The following BEND6 variants were observed in gnomAD, a reference collection of about 807,000 sequenced individuals.
The protein encoded by BEND6 is BEN domain-containing protein 6.
Under a neutral mutation model 31.8 loss-of-function variants are expected in BEND6, and 24 were observed. The ratio of observed to expected loss-of-function variants is 0.75; its 90% CI spans 0.55 to 1.06. The LOEUF (loss-of-function observed/expected upper bound fraction) is 1.06, where lower values mean the gene tolerates loss of function less well. Ranked by LOEUF, BEND6 falls within the 50% of genes least tolerant of loss-of-function variation. The pLI is 0.00. For missense variants in BEND6, 294 were observed against 327.4 expected (o/e 0.90, Z 0.79); for synonymous variants, 109 against 114.6 (o/e 0.95, Z 0.31).
chr6:56,958,261 C>T (rs999310603), intron 1 of BEND6, among the ~76,000 whole-genome samples: 1 of 152,178 alleles, frequency 6.6e-6, no homozygotes, highest in Non-Finnish European at 1.5e-5. Context: ...TCTTTTCATT[C>T]CCAAAAGATA....
At chr6:56,985,232 G>C (rs1182882319) in intron 2 of BEND6, among the ~76,000 whole-genome samples, 1 of 152,112 alleles carries the variant, frequency 6.6e-6, no homozygotes, top group Admixed American at 6.5e-5. Context: ...TTAGGTATTC[G>C]TACTTCTGGG....
intron 3 of BEND6, 61 bp from the exon 4 acceptor site, chr6:57,015,072 A>G (rs1827487297): frequency 1.4e-6 from 2 of 1,416,042 alleles, no homozygotes; most frequent in South Asian, 2.6e-5. Context: ...ACAAAAAAAT[A>G]TGTACATATG....
intron 2 of BEND6, 46 bp downstream of exon 2, chr6:56,981,976 C>T: frequency 6.5e-7 from 1 of 1,548,838 alleles, no homozygotes; most frequent in South Asian, 1.3e-5. Flanking sequence ...CTAGCTCAAT[C>T]ATAATTTCAT....
chr6:56,972,576 ACTGT>A (rs1825727785), intron 1 of BEND6, among the ~76,000 whole-genome samples: 3 of 152,246 alleles, frequency 2.0e-5, no homozygotes, highest in Non-Finnish European at 4.4e-5. Context: ...TATTTCATAC[ACTGT>A]CTATGTGTGA....
Position 56,955,126 on chromosome 6 carries a change from G to A in BEND6, c.-435G>A, listed in dbSNP as rs1459016254. Reference sequence around the variant, plus strand: ...GCTGATGACATCACGGCCAGGCTGCGGCAGCGCGGGCGCGCGGACATGGCT... The same window carrying A: ...GCTGATGACATCACGGCCAGGCTGCAGCAGCGCGGGCGCGCGGACATGGCT... On this transcript the variant is annotated 5_prime_UTR_variant, in exon 1 of 7. Coordinates refer to ENST00000370746, the MANE Select transcript of BEND6 (RefSeq NM_152731.3). 2 of 150,336 alleles carry A rather than the reference G, an allele frequency of 1.3e-5. No individual in the cohort carries two copies. The highest frequency in any genetic ancestry group is 3.9e-4 in the East Asian group (2 of 5,148). 9.3% of individuals were successfully genotyped at this position (150,336 alleles called of 1,614,324 possible). A position where few individuals can be genotyped will look rare whatever the true frequency, so the allele number is the denominator to read the frequency against.
chr6:56,971,820 T>G (rs1386657040), intron 1 of BEND6, among the ~76,000 whole-genome samples: 2 of 152,218 alleles, frequency 1.3e-5, no homozygotes, highest in East Asian at 1.9e-4. Flanking sequence ...ATCATTTTTT[T>G]GTTAAGTTTT....
rs1219804926 is a variant in BEND6 at position 57,014,396 on chromosome 6, T to G, written c.299-737T>G. 7.8e-6 allele frequency: 8 copies of G among 1,029,458 alleles called. No individual in the cohort carries two copies. In the East Asian group the frequency reaches 1.5e-4, roughly 19 times the overall value. The allele number at this position is 1,029,458 out of a possible 1,614,324, so 63.8% of individuals were successfully genotyped here. A position where few individuals can be genotyped will look rare whatever the true frequency, so the allele number is the denominator to read the frequency against. ...GCAGGCTGTGCCCTCAACCATATAGTGAGGAACTGAATTAGACAAGGTTCA... is the reference window on the plus strand; with the variant it reads ...GCAGGCTGTGCCCTCAACCATATAGGGAGGAACTGAATTAGACAAGGTTCA... On this transcript the variant is annotated intron_variant, in intron 3 of 6. Coordinates refer to ENST00000370746, the MANE Select transcript of BEND6 (RefSeq NM_152731.3).
At chr6:57,025,262 A>G (rs899067578) in intron 6 of BEND6, among the ~76,000 whole-genome samples, 1 of 152,044 alleles carries the variant, frequency 6.6e-6, no homozygotes, top group Non-Finnish European at 1.5e-5. Context: ...CCTGTTTGCT[A>G]TTATTTCTTG....
chr6:57,001,309 A>T (rs931666468), intron 3 of BEND6, among the ~76,000 whole-genome samples: 2 of 152,042 alleles, frequency 1.3e-5, no homozygotes, highest in Non-Finnish European at 2.9e-5. Context: ...GACTACAAGC[A>T]TGCACCACAA....
intron 2 of BEND6, among the ~76,000 whole-genome samples, chr6:56,987,620 A>C (rs1355644545): frequency 6.6e-6 from 1 of 152,218 alleles, no homozygotes; most frequent in East Asian, 1.9e-4. Context: ...CAAGAAGAGC[A>C]AAGACATTTA....
chr6:57,006,264 G>C (rs1178847397), intron 3 of BEND6, among the ~76,000 whole-genome samples: 3 of 152,216 alleles, frequency 2.0e-5, no homozygotes, highest in Non-Finnish European at 4.4e-5. Flanking sequence ...ACAAATGTTT[G>C]CTATCACAAG....
intron 3 of BEND6, among the ~76,000 whole-genome samples, chr6:57,002,782 C>T (rs180907980): frequency 6.1e-4 from 93 of 152,034 alleles, no homozygotes; most frequent in Admixed American, 1.6e-3. Flanking sequence ...AATGATCTAA[C>T]ATTACACCTA....
At chr6:56,957,795 G>C (rs556504001) in intron 1 of BEND6, among the ~76,000 whole-genome samples, 1 of 152,214 alleles carries the variant, frequency 6.6e-6, no homozygotes, top group African/African-American at 2.4e-5. Flanking sequence ...AGTTGGGAAA[G>C]ATAGCTAAGA....
At chr6:57,024,369 T>C (rs918064704) in intron 6 of BEND6, among the ~76,000 whole-genome samples, 1 of 152,242 alleles carries the variant, frequency 6.6e-6, no homozygotes, top group Non-Finnish European at 1.5e-5. Flanking sequence ...ACTAAAGAGC[T>C]CTCTTTAGAT....
At chr6:57,008,676 G>A (rs560281365) in intron 3 of BEND6, 1 of 153,962 alleles carries the variant, frequency 6.5e-6, no homozygotes, top group African/African-American at 2.4e-5. Flanking sequence ...CAACATCACT[G>A]ATCACCAGGG....
chr6:56,991,674 T>G (rs746127668), intron 2 of BEND6, among the ~76,000 whole-genome samples: 1 of 152,120 alleles, frequency 6.6e-6, no homozygotes, highest in African/African-American at 2.4e-5. Context: ...TTCTGGAGAT[T>G]TTTAAGAAAC....
rs568465240 is a variant in BEND6, at chr6:57,007,209, G to A, written c.299-7924G>A. ...GAGGCTGGGTGGGAGGATTCCTTGAGTCCAGGAAGTTGAGGCTCCAGTGAA... is the reference window on the plus strand; with the variant it reads ...GAGGCTGGGTGGGAGGATTCCTTGAATCCAGGAAGTTGAGGCTCCAGTGAA... On this transcript the variant is annotated intron_variant, in intron 3 of 6. Coordinates refer to ENST00000370746, the MANE Select transcript of BEND6 (RefSeq NM_152731.3). Among the ~76,000 whole-genome samples the A allele has an allele frequency of 2.6e-5, 4 of 151,858 alleles. No individual in the cohort carries two copies. In the East Asian group the frequency reaches 7.8e-4, roughly 30 times the overall value.
chr6:56,972,301 G>T (rs1825718363), intron 1 of BEND6, among the ~76,000 whole-genome samples: 1 of 151,696 alleles, frequency 6.6e-6, no homozygotes, highest in African/African-American at 2.4e-5. Context: ...CCCCACTTTG[G>T]CCAGGCTGGT....
At chr6:56,972,161 C>A (rs1055610563) in intron 1 of BEND6, among the ~76,000 whole-genome samples, 5 of 123,052 alleles carry the variant, frequency 4.1e-5, no homozygotes, top group Non-Finnish European at 6.3e-5. Context: ...GTGACATGAT[C>A]TCAGCTCACC....
Sources: allele counts gnomAD v4.1 joint callset (sites outside exome capture counted in the v4.1 genomes callset), GRCh38; gene constraint gnomAD v4.1.1; transcripts MANE v1.5; gene names NCBI Gene and HGNC (gene_info 2026-07-23, HGNC 2026-07-21).